The following POP1 variants were observed in gnomAD, a reference collection of about 807,000 sequenced individuals.
POP1 encodes ribonucleases P/MRP protein subunit POP1.
In POP1, 75 loss-of-function variants were observed where a neutral mutation model predicts 102.2. The ratio of observed to expected loss-of-function variants is 0.73; its 90% confidence interval spans 0.61 to 0.89. The LOEUF (loss-of-function observed/expected upper bound fraction) is 0.89, where lower values mean the gene tolerates loss of function less well. Among genes scored for constraint, POP1 ranks in the 40% least tolerant of loss-of-function variants. The pLI is 0.00. For missense variants in POP1, 1,116 were observed against 1,267.4 expected (o/e 0.88, Z 1.81); for synonymous variants, 436 against 464.1 (o/e 0.94, Z 0.78).
At chr8:98,138,716 G>A (rs1563777845) in intron 9 of POP1, among the ~76,000 whole-genome samples, 2 of 152,188 alleles carry the variant, frequency 1.3e-5, no homozygotes, top group Non-Finnish European at 2.9e-5. Flanking sequence ...CAGAGAGGGT[G>A]CCCCGTAGTA....
At chr8:98,147,052 G>A (rs931314228) in intron 12 of POP1, among the ~76,000 whole-genome samples, 17 of 152,178 alleles carry the variant, frequency 1.1e-4, no homozygotes, top group Non-Finnish European at 2.4e-4. Flanking sequence ...GTTGAAATAT[G>A]TTTTTCTTTT....
intron 1 of POP1, among the ~76,000 whole-genome samples, chr8:98,120,788 A>G (rs1695930765): frequency 6.6e-6 from 1 of 152,044 alleles, no homozygotes; most frequent in African/African-American, 2.4e-5. Context: ...CTGGGACTAC[A>G]GGCGCCCGCC....
chr8:98,142,308 C>T (rs550322786), intron 11 of POP1, among the ~76,000 whole-genome samples: 80 of 152,252 alleles, frequency 5.3e-4, no homozygotes, highest in African/African-American at 1.8e-3. Flanking sequence ...CCTTCTGCCT[C>T]GGCCTCCCAA....
intron 11 of POP1, among the ~76,000 whole-genome samples, chr8:98,145,346 T>G (rs2130618599): frequency 6.6e-6 from 1 of 152,324 alleles, no homozygotes. Context: ...TGCCTTTGAG[T>G]GATGTTTCTG....
intron 11 of POP1, 81 bp from the exon 12 acceptor site, chr8:98,146,487 A>G (rs750977104): frequency 9.5e-6 from 9 of 950,850 alleles, no homozygotes; most frequent in Non-Finnish European, 1.4e-5. Flanking sequence ...TTTTGTAACA[A>G]AAGGCCTATT....
chr8:98,151,591 A>T (rs1399698411), intron 14 of POP1, among the ~76,000 whole-genome samples: 1 of 151,862 alleles, frequency 6.6e-6, no homozygotes, highest in Non-Finnish European at 1.5e-5. Context: ...CCTGGTGCAC[A>T]GTAGGTCTTA....
rs774195595 is a variant in POP1 at position 98,157,666 on chromosome 8, G to C, written c.2470G>C (p.Glu824Gln). ...GTCAGCCTGGTGTGGGCCCAGTTCT[G>C]AGGATAGTCGGGGAGGCCGGCGAGC... is the stretch of plus-strand genomic sequence containing the variant. Reference protein sequence around the residue: ...QLSAWCGPSSEDSRGGRRAPG... With the variant: ...QLSAWCGPSSQDSRGGRRAPG... The change falls in exon 16 of 16, where the codon GAG becomes CAG. Residue 824 changes from glutamate (E) to glutamine (Q), a missense_variant. Glu to Gln is a conservative substitution (Grantham distance 29, BLOSUM62 2). Transcript: ENST00000401707. The C allele has an allele frequency of 1.3e-5, 21 of 1,614,098 alleles. No individual in the cohort carries two copies. The highest frequency in any genetic ancestry group is 1.7e-5 in the Non-Finnish European group (20 of 1,180,040).
In POP1 at chr8:98,130,207, C is replaced by G; in HGVS notation, c.716C>G (p.Thr239Arg). 6.2e-7 allele frequency: 1 copy of G among 1,614,166 alleles called. No individual in the cohort carries two copies. Among genetic ancestry groups the G allele is most frequent in the Non-Finnish European group, 8.5e-7 (1 of 1,180,016 alleles). The change falls in exon 5 of 16, where the codon ACG (threonine) becomes AGG (arginine). Residue 239 changes from threonine to arginine, a missense_variant. Thr to Arg is a moderately conservative substitution (Grantham distance 71). Coordinates refer to ENST00000401707, the MANE Select transcript of POP1 (RefSeq NM_001145860.2). Reference sequence around the variant, plus strand: ...CACAGAGCCTGCTATCGAGCCATGACGAACCGGTGCCTCCTGCAGGTGAGC... The same window carrying G: ...CACAGAGCCTGCTATCGAGCCATGAGGAACCGGTGCCTCCTGCAGGTGAGC... ...KSHRACYRAMTNRCLLQDLSY... is the reference protein window; with the variant it reads ...KSHRACYRAMRNRCLLQDLSY...
intron 14 of POP1, among the ~76,000 whole-genome samples, chr8:98,152,439 C>T (rs180943885): frequency 1.2e-4 from 18 of 152,182 alleles, no homozygotes; most frequent in Non-Finnish European, 2.2e-4. Flanking sequence ...TTTGTGGAGC[C>T]CTCGGTCTCC....
chr8:98,120,978 T>C (rs1003596625), intron 1 of POP1, among the ~76,000 whole-genome samples: 3 of 152,082 alleles, frequency 2.0e-5, no homozygotes, highest in African/African-American at 7.2e-5. Flanking sequence ...AGATGGGATT[T>C]CACCATGTTT....
At chr8:98,137,105 A>G in intron 9 of POP1, 151 bp downstream of exon 9, 1 of 708,880 alleles carries the variant, frequency 1.4e-6, no homozygotes, top group Non-Finnish European at 2.4e-6. Context: ...AGATTTTGTT[A>G]TCTTTCACTT....
Position 98,128,460 on chromosome 8 carries a change from C to T in POP1, c.406C>T (p.Pro136Ser), listed in dbSNP as rs1296636880. The T allele has an allele frequency of 1.9e-6, 3 of 1,613,906 alleles. No homozygotes were observed. The highest frequency in any genetic ancestry group is 1.6e-4 in the Middle Eastern group (1 of 6,074). ...SSNSLVFQTL[P>S]RHMRRRAMSH... ...GAATTCACTGGTTTTTCAGACTCTG[C>T]CACGGCACATGCGACGAAGAGCCAT... is the stretch of plus-strand genomic sequence containing the variant. The change falls in exon 4 of 16, where the codon CCA (proline) becomes TCA (serine). Residue 136 changes from proline (P) to serine (S), a missense_variant. Pro to Ser is a moderately conservative substitution (Grantham distance 74). Coordinates refer to ENST00000401707, the MANE Select transcript of POP1 (RefSeq NM_001145860.2).
chr8:98,153,533 C>CTTTTTTTTTTTTTTTT (rs747984872), intron 14 of POP1, among the ~76,000 whole-genome samples: 6 of 85,506 alleles, frequency 7.0e-5, no homozygotes, highest in African/African-American at 1.9e-4. Context: ...AGTTCTGACT[C>CTTTTTTTTTTTTTTTT]TTTTTTTTTT....
chr8:98,135,257 G>A (rs1462794433), intron 7 of POP1, among the ~76,000 whole-genome samples: 1 of 151,552 alleles, frequency 6.6e-6, no homozygotes, highest in Non-Finnish European at 1.5e-5. Flanking sequence ...CAGCCTGGGT[G>A]ACAGTGAGAC....
At position 98,123,393 on chromosome 8, in the gene POP1, A is replaced by G. The variant is rs376525054; in HGVS notation, c.56A>G (p.Asn19Ser). The change falls in exon 2 of 16, where the codon AAT becomes AGT. Residue 19 changes from asparagine (N) to serine (S), a missense_variant. Asn to Ser is a conservative substitution (Grantham distance 46). Transcript: ENST00000401707. ...AAGAAAATGAGAAACCAGCCTACCAATGTGACTCTGTCCTCTGGCTTTGTG... is the reference window on the plus strand; with the variant it reads ...AAGAAAATGAGAAACCAGCCTACCAGTGTGACTCTGTCCTCTGGCTTTGTG... ...HAKKMRNQPT[N>S]VTLSSGFVAD... 5.6e-6 allele frequency: 9 copies of G among 1,614,038 alleles called. No individual in the cohort carries two copies. The highest frequency in any genetic ancestry group is 4.0e-5 in the African/African-American group (3 of 74,930).
intron 9 of POP1, among the ~76,000 whole-genome samples, chr8:98,139,769 A>C (rs775856524): frequency 6.6e-6 from 1 of 152,104 alleles, no homozygotes; most frequent in African/African-American, 2.4e-5. Flanking sequence ...CTTTGTTGGT[A>C]CTGCGCTCTG....
At chr8:98,153,745 C>G (rs1403500904) in intron 14 of POP1, among the ~76,000 whole-genome samples, 1 of 151,904 alleles carries the variant, frequency 6.6e-6, no homozygotes, top group Non-Finnish European at 1.5e-5. Context: ...ACCATGTTGG[C>G]CAGGATGGTC....
Position 98,158,800 on chromosome 8 carries a change from C to T in POP1, c.*529C>T, listed in dbSNP as rs1809728634. 6.5e-6 allele frequency: 1 copy of T among 153,934 alleles called. No individual in the cohort carries two copies. The highest frequency in any genetic ancestry group is 2.4e-5 in the African/African-American group (1 of 41,458). The allele number at this position is 153,934 out of a possible 1,614,324, so 9.5% of individuals were successfully genotyped here. On this transcript the variant is annotated 3_prime_UTR_variant, in exon 16 of 16. Coordinates refer to ENST00000401707, the MANE Select transcript of POP1 (RefSeq NM_001145860.2). ...CCTTAAAGAGAGAAATCATGGACAA[C>T]TGATTTCTGCCTGTTTTCAGGCAGG...
rs1323611346 is a variant in POP1 at position 98,158,196 on chromosome 8, G to A, written c.3000G>A (p.Ala1000=). 6 of 1,611,856 alleles carry A rather than the reference G, an allele frequency of 3.7e-6. No individual in the cohort carries two copies. Among genetic ancestry groups the A allele is most frequent in the Admixed American group, 1.7e-5 (1 of 59,980 alleles). The change falls in exon 16 of 16, where the codon GCG becomes GCA. Residue 1000 remains alanine, a synonymous_variant. Transcript: ENST00000401707. The stretch of plus-strand genomic sequence containing the variant: ...ATATGCTGTCCAGCCAGCCTGCAGC[G>A]CAGAGGGGCTTAGTGCTACTGAGGC... ...LLDMLSSQPA[A]QRGLVLLRPP... is the part of the protein sequence containing the mutation.
Sources: allele counts gnomAD v4.1 joint callset (sites outside exome capture counted in the v4.1 genomes callset), GRCh38; gene constraint gnomAD v4.1.1; transcripts MANE v1.5; gene names NCBI Gene and HGNC (gene_info 2026-07-23, HGNC 2026-07-21).